WWOX: variants seen among roughly 807,000 people sequenced by gnomAD.
The protein encoded by WWOX is WW domain containing oxidoreductase.
WWOX carries 69 observed loss-of-function variants against 46.2 expected under a neutral mutation model. That is an observed-to-expected ratio of 1.49 (90% CI 1.23 to 1.82). WWOX has a LOEUF of 1.82. WWOX is among the 40% of genes most tolerant of loss of function. WWOX has a pLI of 0.00. For synonymous variants in WWOX, 359 were observed against 202.6 expected, an observed-to-expected ratio of 1.77 and a Z score of -6.56; for missense variants, 919 against 542.6, an observed-to-expected ratio of 1.69 and a Z score of -6.89.
Position 78,108,480 on chromosome 16 carries a change from G to A in WWOX, c.165G>A (p.Val55=). ...EHPKTGKRKR[V]AGDLPYGWEQ... ...CAAAAACTGGAAAAAGAAAACGAGT[G>A]GCAGGAGGTTTGTATGTTGTTGTCT... Residue 55 remains valine (V), a synonymous_variant, in exon 2 of 9, where the codon GTG becomes GTA. Transcript: ENST00000566780. 1 of 1,613,832 alleles carries A rather than the reference G, an allele frequency of 6.2e-7. No individual in the cohort carries two copies. The highest frequency in any genetic ancestry group is 2.2e-5 in the East Asian group (1 of 44,868).
chr16:78,653,070 T>A (rs1440465560), intron 8 of WWOX, among the ~76,000 whole-genome samples: 1 of 152,168 alleles, frequency 6.6e-6, no homozygotes, highest in Non-Finnish European at 1.5e-5. Flanking sequence ...ACTCTTAATA[T>A]TTTGTTGCAT....
intron 8 of WWOX, among the ~76,000 whole-genome samples, chr16:78,968,083 T>TGCATGGTCCGCATGGCACAGC (rs1446936255): frequency 6.7e-6 from 1 of 148,418 alleles, no homozygotes; most frequent in African/African-American, 2.6e-5. Context: ...TATGGCACAG[T>TGCATGGTCCGCATGGCACAGC]GCATGGTCCG....
At chr16:78,250,300 C>T (rs1052470745) in intron 5 of WWOX, among the ~76,000 whole-genome samples, 32 of 152,258 alleles carry the variant, frequency 2.1e-4, no homozygotes, top group African/African-American at 6.7e-4. Context: ...GCTGGATGGC[C>T]GGGGTTTGAT....
chr16:78,630,610 G>A (rs1567449381), intron 8 of WWOX, among the ~76,000 whole-genome samples: 1 of 152,138 alleles, frequency 6.6e-6, no homozygotes, highest in African/African-American at 2.4e-5. Context: ...AGGACATTTG[G>A]AATCTTGTAC....
rs1254153472 is a variant in WWOX, at chr16:78,259,871, T to G, written c.516+95582T>G. 2.0e-5 allele frequency among the ~76,000 whole-genome samples: 3 copies of G among 151,382 alleles called. 1 individual carries two copies. Among genetic ancestry groups the G allele is most frequent in the Non-Finnish European group, 4.4e-5 (3 of 67,836 alleles). On this transcript the variant is annotated intron_variant, in intron 5 of 8. Transcript: ENST00000566780. ...AATTTATGTACAGTGATGTTTATGCTTATATTATTTATAGACTTTTAAAAA... is the reference window on the plus strand; with the variant it reads ...AATTTATGTACAGTGATGTTTATGCGTATATTATTTATAGACTTTTAAAAA...
chr16:78,115,675 C>T lies in WWOX; in HGVS notation c.409+521C>T, dbSNP rs535406748. 8.5e-5 allele frequency among the ~76,000 whole-genome samples: 13 copies of T among 152,164 alleles called. 1 individual carries two copies. Among genetic ancestry groups the T allele is most frequent in the Non-Finnish European group, 7.3e-5 (5 of 68,040 alleles). On this transcript the variant is annotated intron_variant, in intron 4 of 8. Transcript: ENST00000566780. ...CCTCTTAATTGCCAATGTTTACCCA[C>T]AGGGACTATCATGGGTAGATGGCTC...
intron 8 of WWOX, among the ~76,000 whole-genome samples, chr16:78,822,484 G>A (rs1403516798): frequency 6.6e-6 from 1 of 151,822 alleles, no homozygotes; most frequent in Non-Finnish European, 1.5e-5. Flanking sequence ...ACAGAGCCGA[G>A]ACTCTGTCTC....
At chr16:78,242,603 G>T (rs997843920) in intron 5 of WWOX, among the ~76,000 whole-genome samples, 1 of 152,180 alleles carries the variant, frequency 6.6e-6, no homozygotes. Context: ...TATTAAAAAG[G>T]TGAGGGTAGC....
chr16:78,900,839 C>CT (rs1388544292), intron 8 of WWOX, among the ~76,000 whole-genome samples: 1 of 93,140 alleles, frequency 1.1e-5, no homozygotes, highest in African/African-American at 3.8e-5. Context: ...TAATCAGAGC[C>CT]TTTTTTTGAA....
chr16:78,510,905 G>A (rs1211105880), intron 8 of WWOX, among the ~76,000 whole-genome samples: 2 of 152,200 alleles, frequency 1.3e-5, no homozygotes, highest in African/African-American at 2.4e-5. Flanking sequence ...GCACAGAGTC[G>A]CAAAGCCACA....
chr16:78,671,504 T>C (rs17722185), intron 8 of WWOX, among the ~76,000 whole-genome samples: 64,992 of 152,156 alleles, frequency 0.43, 17,014 homozygotes, highest in Admixed American at 0.58. Flanking sequence ...CCAGTATAGA[T>C]AACTTGTGAT....
At chr16:79,097,834 C>T (rs1212171541) in intron 8 of WWOX, among the ~76,000 whole-genome samples, 1 of 152,152 alleles carries the variant, frequency 6.6e-6, no homozygotes, top group Non-Finnish European at 1.5e-5. Context: ...GATCGCAGTT[C>T]AGATCTGTTG....
At position 78,916,079 on chromosome 16, in the gene WWOX, G is replaced by A. The variant is rs549205702; in HGVS notation, c.1057-295529G>A. On this transcript the variant is annotated intron_variant, in intron 8 of 8. Transcript: ENST00000566780. ...TGTGCAGACACGATGCTATCATTGT[G>A]TTTACAGAGGTGGTCAGATTCCCAG... 9.9e-5 allele frequency among the ~76,000 whole-genome samples: 15 copies of A among 152,274 alleles called. No individual in the cohort carries two copies. The South Asian group carries it at 2.5e-3, about 25-fold the overall frequency.
chr16:78,381,000 C>T (rs909573017), intron 5 of WWOX, among the ~76,000 whole-genome samples: 1 of 152,146 alleles, frequency 6.6e-6, no homozygotes, highest in Non-Finnish European at 1.5e-5. Context: ...CTATTATGCT[C>T]ATTCATAATT....
intron 8 of WWOX, among the ~76,000 whole-genome samples, chr16:79,085,681 A>C (rs1238416228): frequency 1.3e-5 from 2 of 152,160 alleles, no homozygotes; most frequent in Non-Finnish European, 2.9e-5. Flanking sequence ...TACCTAGAAA[A>C]ATGCATACAT....
At chr16:78,442,522 C>G (rs2083467468) in intron 8 of WWOX, among the ~76,000 whole-genome samples, 1 of 152,098 alleles carries the variant, frequency 6.6e-6, no homozygotes, top group African/African-American at 2.4e-5. Context: ...GCTTTAAATT[C>G]CACACAAAAA....
intron 5 of WWOX, among the ~76,000 whole-genome samples, chr16:78,300,032 A>G (rs1366478576): frequency 6.6e-6 from 1 of 152,212 alleles, no homozygotes; most frequent in Non-Finnish European, 1.5e-5. Flanking sequence ...TCTTTGAGAA[A>G]TACAGATTGC....
At chr16:78,234,927 C>T (rs985344899) in intron 5 of WWOX, among the ~76,000 whole-genome samples, 1 of 151,442 alleles carries the variant, frequency 6.6e-6, no homozygotes, top group Non-Finnish European at 1.5e-5. Flanking sequence ...TTTTTTCTAA[C>T]TGAGGGATTA....
In WWOX at chr16:78,993,172, A is replaced by C. The variant is rs891876862; in HGVS notation, c.1057-218436A>C. ...GTCTGATAATTGCAGAGAGATACTG[A>C]GTTAACTTGTAGCAATGAGTTTCTG... On this transcript the variant is annotated intron_variant, in intron 8 of 8. Coordinates refer to ENST00000566780, the MANE Select transcript of WWOX (RefSeq NM_016373.4). 2.6e-5 allele frequency among the ~76,000 whole-genome samples: 4 copies of C among 151,044 alleles called. No individual in the cohort carries two copies. In the South Asian group the frequency reaches 8.5e-4, roughly 32 times the overall value.
Sources: allele counts gnomAD v4.1 joint callset (sites outside exome capture counted in the v4.1 genomes callset), GRCh38; gene constraint gnomAD v4.1.1; transcripts MANE v1.5; gene names NCBI Gene and HGNC (gene_info 2026-07-23, HGNC 2026-07-21).